Variants in ZFHX3 observed in about 807,000 individuals in gnomAD.
The protein encoded by ZFHX3 is zinc finger homeobox 3.
A neutral mutation model predicts 279.1 loss-of-function variants in ZFHX3; 42 were observed. The ratio of observed to expected loss-of-function variants is 0.15; its 90% confidence interval spans 0.12 to 0.19. The LOEUF (loss-of-function observed/expected upper bound fraction) is 0.19, where lower values mean the gene tolerates loss of function less well. Ranked by LOEUF, ZFHX3 falls within the 10% of genes least tolerant of loss-of-function variation. The pLI, the probability that ZFHX3 is intolerant of heterozygous loss-of-function variation, is 1.00. For synonymous variants in ZFHX3, 2,293 were observed against 1,957.8 expected (o/e 1.17, Z -4.52); for missense variants, 4,981 against 4,754.0 (o/e 1.05, Z -1.40).
At chr16:72,846,654 G>A (rs1415448569) in intron 4 of ZFHX3, among the ~76,000 whole-genome samples, 1 of 152,260 alleles carries the variant, frequency 6.6e-6, no homozygotes, top group East Asian at 1.9e-4. Context: ...TTGTGTGGGG[G>A]ACAACCTGCA....
At chr16:73,762,114 A>C (rs2053874504) in intron 1 of ZFHX3, among the ~76,000 whole-genome samples, 1 of 151,958 alleles carries the variant, frequency 6.6e-6, no homozygotes, top group African/African-American at 2.4e-5. Context: ...AGAATCTATA[A>C]AGAACTTAAA....
chr16:73,470,403 G>A (rs967779546), intron 2 of ZFHX3, among the ~76,000 whole-genome samples: 4 of 152,240 alleles, frequency 2.6e-5, no homozygotes, highest in Middle Eastern at 3.4e-3. Context: ...CGTGTTGTCT[G>A]CTAAACCGTT....
intron 5 of ZFHX3, among the ~76,000 whole-genome samples, chr16:73,179,045 A>C (rs976826408): frequency 6.6e-6 from 1 of 152,214 alleles, no homozygotes; most frequent in Non-Finnish European, 1.5e-5. Context: ...AGATTTTATT[A>C]GTGTTTTTGG....
intron 1 of ZFHX3, among the ~76,000 whole-genome samples, chr16:73,010,024 G>GAAAAAAA (rs10709712): frequency 0.017 from 1,444 of 84,578 alleles, 42 homozygotes; most frequent in Middle Eastern, 0.033. Context: ...CCCTCTCAAA[G>GAAAAAAA]AAAAAAAAAA....
intron 7 of ZFHX3, chr16:73,127,567 G>T (rs1008208620): frequency 1.5e-6 from 2 of 1,305,318 alleles, no homozygotes; most frequent in South Asian, 2.5e-5. Flanking sequence ...GAGCTGACTG[G>T]GGCACTTGAG....
chr16:73,389,942 C>G (rs2016978778), intron 3 of ZFHX3, among the ~76,000 whole-genome samples: 1 of 152,144 alleles, frequency 6.6e-6, no homozygotes, highest in South Asian at 2.1e-4. Flanking sequence ...CGCCTGTAGT[C>G]CTGGCTACTC....
chr16:73,678,508 T>C (rs1369908453), intron 2 of ZFHX3, among the ~76,000 whole-genome samples: 1 of 152,308 alleles, frequency 6.6e-6, no homozygotes, highest in East Asian at 1.9e-4. Context: ...ATGTTGATAT[T>C]GTTTTCATAA....
intron 2 of ZFHX3, among the ~76,000 whole-genome samples, chr16:73,525,012 G>C (rs2019667881): frequency 6.6e-6 from 1 of 152,068 alleles, no homozygotes; most frequent in Admixed American, 6.5e-5. Context: ...GTAGAGCTGT[G>C]ACTGGTAGAA....
chr16:73,151,045 C>T (rs1966928371), intron 5 of ZFHX3, among the ~76,000 whole-genome samples: 1 of 152,052 alleles, frequency 6.6e-6, no homozygotes, highest in Admixed American at 6.5e-5. Context: ...GTAGAAGAAC[C>T]TTGAAATCAT....
chr16:72,916,703 T>G lies in ZFHX3; in HGVS notation c.3217-26741A>C, dbSNP rs975163172. Reference sequence around the variant, plus strand: ...CTAGAAACAGATCCAAATGAGAACTTCATGTATGATATAGTGGCATTTCTA... The same window carrying G: ...CTAGAAACAGATCCAAATGAGAACTGCATGTATGATATAGTGGCATTTCTA... On this transcript the variant is annotated intron_variant, in intron 3 of 9. Coordinates refer to ENST00000268489, the MANE Select transcript of ZFHX3 (RefSeq NM_006885.4). 3.9e-5 allele frequency among the ~76,000 whole-genome samples: 6 copies of G among 152,160 alleles called. No homozygotes were observed. The East Asian group carries it at 9.6e-4, about 24-fold the overall frequency.
intron 2 of ZFHX3, among the ~76,000 whole-genome samples, chr16:73,477,106 T>C (rs1468600258): frequency 1.3e-5 from 2 of 152,228 alleles, no homozygotes; most frequent in African/African-American, 2.4e-5. Flanking sequence ...AGTCATTTGA[T>C]AACAATGAAA....
intron 2 of ZFHX3, among the ~76,000 whole-genome samples, chr16:73,502,918 T>G (rs2019264389): frequency 6.6e-6 from 1 of 152,248 alleles, no homozygotes; most frequent in Non-Finnish European, 1.5e-5. Flanking sequence ...AGCCTAAAAG[T>G]GCCTCCCTGA....
chr16:73,869,442 G>GT (rs1032994236), intron 1 of ZFHX3, among the ~76,000 whole-genome samples: 1 of 152,188 alleles, frequency 6.6e-6, no homozygotes, highest in African/African-American at 2.4e-5. Context: ...TCAAGCAAAA[G>GT]TTACACAGGC....
rs578105723 is a variant in ZFHX3, at chr16:73,017,147, C to A, written c.-50+30605G>T. Among the ~76,000 whole-genome samples the A allele has an allele frequency of 7.4e-4, 112 of 151,692 alleles. 2 individuals carry two copies. In the South Asian group the frequency reaches 0.023, roughly 31 times the overall value. ...GGGTGCTGAGGCAGGAAGATCACCTCCCTCAGCCTTGGGAGGTTGAGGCTG... is the reference window on the plus strand; with the variant it reads ...GGGTGCTGAGGCAGGAAGATCACCTACCTCAGCCTTGGGAGGTTGAGGCTG... On this transcript the variant is annotated intron_variant, in intron 1 of 9. Coordinates refer to ENST00000268489, the MANE Select transcript of ZFHX3 (RefSeq NM_006885.4).
At chr16:73,063,489 G>A (rs1965711978), upstream of ZFHX3, among the ~76,000 whole-genome samples, 1 of 152,210 alleles carries the variant, frequency 6.6e-6, no homozygotes, top group Admixed American at 6.5e-5. Flanking sequence ...GTCCGGAATC[G>A]CTCCATCCAA....
chr16:73,111,593 G>A (rs1042151191), intron 7 of ZFHX3, among the ~76,000 whole-genome samples: 3 of 151,158 alleles, frequency 2.0e-5, no homozygotes, highest in Non-Finnish European at 4.4e-5. Context: ...AGGGAGGGAG[G>A]GAGGGAAGAA....
chr16:73,413,409 G>C (rs1255507266), intron 3 of ZFHX3, among the ~76,000 whole-genome samples: 1 of 152,152 alleles, frequency 6.6e-6, no homozygotes, highest in African/African-American at 2.4e-5. Context: ...GTGTTGGAGA[G>C]GGCTCTGGGC....
intron 2 of ZFHX3, among the ~76,000 whole-genome samples, chr16:73,582,627 A>G (rs1008659571): frequency 3.3e-5 from 5 of 151,836 alleles, no homozygotes; most frequent in African/African-American, 1.2e-4. Context: ...GGTGCCCAGC[A>G]CCACACCCAG....
At chr16:73,352,789 G>A (rs1017556841) in intron 3 of ZFHX3, among the ~76,000 whole-genome samples, 1 of 152,112 alleles carries the variant, frequency 6.6e-6, no homozygotes, top group Non-Finnish European at 1.5e-5. Flanking sequence ...GTAGTACAAG[G>A]GGTGTCCAAT....
Sources: gnomAD v4.1 joint callset for allele counts (sites outside exome capture counted in the v4.1 genomes callset) on GRCh38, gnomAD v4.1.1 for gene constraint, MANE v1.5 for transcripts, NCBI Gene and HGNC (gene_info 2026-07-23, HGNC 2026-07-21) for gene names.